The following PPP2CB variants were observed in gnomAD, a reference collection of about 807,000 sequenced individuals.
The protein encoded by PPP2CB is protein phosphatase 2 catalytic subunit beta.
PPP2CB carries 18 observed loss-of-function variants against 39.1 expected under a neutral mutation model. The observed-to-expected ratio is 0.46, with a 90% CI of 0.32 to 0.68. The LOEUF is 0.68. Ranked by LOEUF, PPP2CB falls within the 30% of genes least tolerant of loss-of-function variation. The pLI is 0.04. For synonymous variants in PPP2CB, 129 were observed against 133.8 expected (o/e 0.96, Z 0.25); for missense variants, 226 against 396.9 (o/e 0.57, Z 3.66).
intron 1 of PPP2CB, among the ~76,000 whole-genome samples, chr8:30,808,537 A>C (rs1806763940): frequency 6.6e-6 from 1 of 152,248 alleles, no homozygotes; most frequent in Non-Finnish European, 1.5e-5. Context: ...AAATTGAATC[A>C]CAAGGATTAA....
At chr8:30,797,275 C>G (rs988715429) in intron 3 of PPP2CB, among the ~76,000 whole-genome samples, 3 of 152,198 alleles carry the variant, frequency 2.0e-5, no homozygotes, top group Non-Finnish European at 4.4e-5. Flanking sequence ...TCTTGCTTTG[C>G]TAGTACTATA....
intron 5 of PPP2CB, among the ~76,000 whole-genome samples, chr8:30,791,941 T>C (rs114741298): frequency 6.7e-6 from 1 of 150,320 alleles, no homozygotes; most frequent in Non-Finnish European, 1.5e-5. Context: ...TATGTATACA[T>C]GTATGTGTGC....
chr8:30,788,619 ATTGCCTGAGGCATGT>A (rs972246421), intron 6 of PPP2CB, among the ~76,000 whole-genome samples: 1 of 152,202 alleles, frequency 6.6e-6, no homozygotes, highest in Non-Finnish European at 1.5e-5. Flanking sequence ...ATCTTCTTAA[ATTGCCTGAGGCATGT>A]TTTACAGTCT....
intron 3 of PPP2CB, among the ~76,000 whole-genome samples, chr8:30,797,066 C>T (rs1806539248): frequency 6.6e-6 from 1 of 151,926 alleles, no homozygotes; most frequent in Non-Finnish European, 1.5e-5. Flanking sequence ...CCAGGCTGGT[C>T]TTGAACCCCT....
intron 5 of PPP2CB, among the ~76,000 whole-genome samples, chr8:30,791,879 CAT>C (rs1474162482): frequency 2.7e-5 from 4 of 150,874 alleles, no homozygotes; most frequent in East Asian, 3.9e-4. Context: ...TATGTGTGTG[CAT>C]ATATGTATAC....
At chr8:30,793,852 A>T in intron 5 of PPP2CB, 65 bp downstream of exon 5, 2 of 1,464,100 alleles carry the variant, frequency 1.4e-6, no homozygotes, top group Non-Finnish European at 1.8e-6. Context: ...GTTAAGTCAT[A>T]ATGCCTTATT....
intron 2 of PPP2CB, 137 bp from the exon 3 acceptor site, chr8:30,797,891 T>C (rs1175992534): frequency 2.4e-6 from 2 of 834,674 alleles, no homozygotes; most frequent in Non-Finnish European, 3.6e-6. Context: ...AGTTTCAAAA[T>C]AAAAAACTTG....
chr8:30,786,641 TTAATAATAA>T (rs66509142), intron 6 of PPP2CB, among the ~76,000 whole-genome samples: 1 of 140,140 alleles, frequency 7.1e-6, no homozygotes, highest in African/African-American at 2.7e-5. Flanking sequence ...TTAATATTAT[TTAATAATAA>T]TAATAATATC....
Position 30,812,363 on chromosome 8 carries a change from C to CAA in PPP2CB, c.58_59insTT (p.Cys20PhefsTer5). 1 of 1,564,364 alleles carries CAA rather than the reference C, an allele frequency of 6.4e-7. No homozygotes were observed. Among genetic ancestry groups the CAA allele is most frequent in the Non-Finnish European group, 8.7e-7 (1 of 1,152,480 alleles). ...CACTTGGTTCTCGTTCAGCTGCTTA[C>CAA]ACTCGTTCAGCTGCTCGACCCACTG... On this transcript the variant is annotated frameshift_variant, in exon 1 of 7. Transcript: ENST00000221138. LOFTEE classifies it high-confidence loss of function.
Position 30,812,446 on chromosome 8 carries a change from C to A in PPP2CB, c.-25G>T. On this transcript the variant is annotated 5_prime_UTR_variant, in exon 1 of 7. Coordinates refer to ENST00000221138, the MANE Select transcript of PPP2CB (RefSeq NM_001009552.2). Reference sequence around the variant, plus strand: ...TGGCGGCCCGATCCCGATGCGGATCCCGAGCCCCAGCCCGGCCGCCGCCCT... The same window carrying A: ...TGGCGGCCCGATCCCGATGCGGATCACGAGCCCCAGCCCGGCCGCCGCCCT... 2 of 1,489,506 alleles carry A rather than the reference C, an allele frequency of 1.3e-6. No individual in the cohort carries two copies. The highest frequency in any genetic ancestry group is 9.0e-7 in the Non-Finnish European group (1 of 1,114,804). The allele number at this position is 1,489,506 out of a possible 1,614,324, so 92.3% of individuals were successfully genotyped here.
chr8:30,793,848 T>C (rs1463246077), intron 5 of PPP2CB, 69 bp downstream of exon 5: 2 of 1,447,654 alleles, frequency 1.4e-6, no homozygotes, highest in Admixed American at 2.4e-5. Context: ...CTTAGTTAAG[T>C]CATAATGCCT....
intron 3 of PPP2CB, 130 bp downstream of exon 3, chr8:30,797,451 A>C: frequency 1.1e-6 from 1 of 891,470 alleles, no homozygotes; most frequent in Non-Finnish European, 1.6e-6. Flanking sequence ...TTTTAAGTAT[A>C]AGGGAAGGAG....
intron 1 of PPP2CB, among the ~76,000 whole-genome samples, chr8:30,800,441 T>C (rs1332996303): frequency 9.9e-5 from 15 of 152,250 alleles, no homozygotes; most frequent in South Asian, 2.1e-4. Context: ...TGCAAATTCT[T>C]GTGTGAACAA....
intron 3 of PPP2CB, among the ~76,000 whole-genome samples, chr8:30,795,932 C>CT (rs1806514793): frequency 6.6e-6 from 1 of 152,064 alleles, no homozygotes; most frequent in Non-Finnish European, 1.5e-5. Flanking sequence ...GTTTTGTTCA[C>CT]TATTATTTCT....
chr8:30,807,138 T>C (rs1477112483), intron 1 of PPP2CB, among the ~76,000 whole-genome samples: 1 of 152,204 alleles, frequency 6.6e-6, no homozygotes, highest in Non-Finnish European at 1.5e-5. Context: ...TTCTTCATTA[T>C]ACTAAGAAAG....
intron 1 of PPP2CB, chr8:30,810,359 G>A (rs1284156520): frequency 6.6e-6 from 1 of 152,304 alleles, no homozygotes; most frequent in Non-Finnish European, 1.5e-5. Flanking sequence ...GCTGAGGCAG[G>A]AGGATCCCTC....
rs1806423403 is a variant in PPP2CB, at chr8:30,791,285, C to A, written c.769G>T (p.Val257Phe). 1 of 1,612,096 alleles carries A rather than the reference C, an allele frequency of 6.2e-7. No homozygotes were observed. Among genetic ancestry groups the A allele is most frequent in the Non-Finnish European group, 8.5e-7 (1 of 1,179,448 alleles). Reference sequence around the variant, plus strand: ...TAATTGGGTGCACTGAAAATGGTAACCACATTCCGATCATGACACCAATTG... The same window carrying A: ...TAATTGGGTGCACTGAAAATGGTAAACACATTCCGATCATGACACCAATTG... The part of the protein sequence containing the change: ...GYNWCHDRNV[V>F]TIFSAPNYCY... Residue 257 changes from valine (V) to phenylalanine (F), a missense_variant, in exon 6 of 7, where the codon GTT becomes TTT. Physicochemically the swap from Val to Phe is conservative, Grantham distance 50. This residue lies in a region of PPP2CB where 56 missense variants were observed against 92.0 expected (regional missense o/e 0.61). Coordinates refer to ENST00000221138, the MANE Select transcript of PPP2CB (RefSeq NM_001009552.2).
At chr8:30,804,690 G>C (rs1475419756) in intron 1 of PPP2CB, among the ~76,000 whole-genome samples, 1 of 152,168 alleles carries the variant, frequency 6.6e-6, no homozygotes, top group East Asian at 1.9e-4. Flanking sequence ...GTCCTGGGCA[G>C]TGTTCCCTGT....
intron 5 of PPP2CB, 61 bp from the exon 6 acceptor site, chr8:30,791,376 T>G (rs971799044): frequency 3.1e-5 from 40 of 1,295,872 alleles, no homozygotes; most frequent in Non-Finnish European, 4.0e-5. Flanking sequence ...CACAGACACA[T>G]TTAAAAAAAA....
Sources: gnomAD v4.1 joint callset for allele counts (sites outside exome capture counted in the v4.1 genomes callset) on GRCh38, gnomAD v4.1.1 for gene constraint, gnomAD v4.1.1 regional missense constraint, MANE v1.5 for transcripts, NCBI Gene and HGNC (gene_info 2026-07-23, HGNC 2026-07-21) for gene names.